The following AUTS2 variants were observed in gnomAD, a reference collection of about 807,000 sequenced individuals.
The protein encoded by AUTS2 is autism susceptibility gene 2 protein.
Under a neutral mutation model 112.4 loss-of-function variants are expected in AUTS2, and 17 were observed. The observed-to-expected ratio is 0.15, with a 90% CI of 0.10 to 0.23. The LOEUF (loss-of-function observed/expected upper bound fraction) is 0.23, where lower values mean the gene tolerates loss of function less well. AUTS2 is among the 10% of genes least tolerant of loss of function. The probability of loss-of-function intolerance (pLI) is 1.00; values close to 1 mark genes in which losing one functional copy is unlikely to be tolerated. For missense variants in AUTS2, 1,510 were observed against 1,701.6 expected, an observed-to-expected ratio of 0.89 and a Z score of 1.98; for synonymous variants, 751 against 702.7, an observed-to-expected ratio of 1.07 and a Z score of -1.09.
At chr7:70,063,570 T>C (rs1802355021) in intron 2 of AUTS2, among the ~76,000 whole-genome samples, 1 of 152,186 alleles carries the variant, frequency 6.6e-6, no homozygotes, top group South Asian at 2.1e-4. Context: ...TGGAGTGTTT[T>C]GAATGGCAGA....
chr7:69,928,926 G>A (rs915878278), intron 2 of AUTS2, among the ~76,000 whole-genome samples: 3 of 152,122 alleles, frequency 2.0e-5, no homozygotes, highest in African/African-American at 7.2e-5. Flanking sequence ...CAATCCAGAC[G>A]GGCCACCATT....
chr7:70,059,861 G>A (rs533561048), intron 2 of AUTS2, among the ~76,000 whole-genome samples: 2 of 152,272 alleles, frequency 1.3e-5, no homozygotes, highest in African/African-American at 2.4e-5. Flanking sequence ...AGCTAGTCAA[G>A]CTCGCTTAGT....
At chr7:70,290,661 TTTCTCCA>T in intron 4 of AUTS2, 1 of 1,362,386 alleles carries the variant, frequency 7.3e-7, no homozygotes, top group Non-Finnish European at 9.4e-7. Flanking sequence ...TTGTTTCTCT[TTTCTCCA>T]TTCCTCATCC....
In AUTS2 at chr7:70,554,834, C is replaced by T. The variant is rs150975866; in HGVS notation, c.690+119053C>T. On this transcript the variant is annotated intron_variant, in intron 5 of 18. Coordinates refer to ENST00000342771, the MANE Select transcript of AUTS2 (RefSeq NM_015570.4). ...CCACTGAAGGTCTCCAAGTGGCAGT[C>T]CAGATGGACAGTGATCAGCTGTCAC... Among the ~76,000 whole-genome samples the T allele has an allele frequency of 1.8e-3, 269 of 152,306 alleles. 1 individual carries two copies. The highest frequency in any genetic ancestry group is 6.2e-3 in the African/African-American group (257 of 41,570).
Position 70,538,053 on chromosome 7 carries a change from T to C in AUTS2, c.690+102272T>C, listed in dbSNP as rs374979174. Among the ~76,000 whole-genome samples the C allele has an allele frequency of 4.6e-5, 7 of 152,120 alleles. No individual in the cohort carries two copies. In the East Asian group the frequency reaches 1.4e-3, roughly 29 times the overall value. On this transcript the variant is annotated intron_variant, in intron 5 of 18. Coordinates refer to ENST00000342771, the MANE Select transcript of AUTS2 (RefSeq NM_015570.4). ...GAGTTTGAGACTAGCCTGGGAAATA[T>C]AGTGAGACCCCATTTCTACAAAAAA...
chr7:69,981,436 T>C (rs535203667), intron 2 of AUTS2, among the ~76,000 whole-genome samples: 7 of 152,356 alleles, frequency 4.6e-5, no homozygotes, highest in African/African-American at 1.4e-4. Flanking sequence ...CTGTATTTTT[T>C]TATTTTGTAT....
At chr7:70,488,118 C>T (rs1414933101) in intron 5 of AUTS2, among the ~76,000 whole-genome samples, 1 of 152,194 alleles carries the variant, frequency 6.6e-6, no homozygotes, top group Non-Finnish European at 1.5e-5. Flanking sequence ...TCACAGGCAG[C>T]CATTGTGCAA....
intron 5 of AUTS2, among the ~76,000 whole-genome samples, chr7:70,546,116 C>T (rs1160277123): frequency 6.6e-6 from 1 of 152,160 alleles, no homozygotes; most frequent in Non-Finnish European, 1.5e-5. Context: ...TTAAAATTTA[C>T]ATATAGATCA....
chr7:70,568,665 C>T (rs771539756), intron 5 of AUTS2, among the ~76,000 whole-genome samples: 7 of 152,180 alleles, frequency 4.6e-5, no homozygotes, highest in East Asian at 1.9e-4. Context: ...TGAGGTCTCT[C>T]GTTCAGACCA....
intron 5 of AUTS2, among the ~76,000 whole-genome samples, chr7:70,459,017 G>C (rs1275850048): frequency 6.6e-6 from 1 of 152,180 alleles, no homozygotes; most frequent in Non-Finnish European, 1.5e-5. Context: ...CCACACATAG[G>C]ATGGCTCAGG....
intron 5 of AUTS2, among the ~76,000 whole-genome samples, chr7:70,541,731 AG>A (rs1435569389): frequency 6.6e-6 from 1 of 152,220 alleles, no homozygotes; most frequent in African/African-American, 2.4e-5. Flanking sequence ...TTTCCAATCC[AG>A]GGTGACAGCA....
chr7:69,860,462 C>G (rs1351971257), intron 1 of AUTS2, among the ~76,000 whole-genome samples: 1 of 152,120 alleles, frequency 6.6e-6, no homozygotes, highest in African/African-American at 2.4e-5. Context: ...CACCACCACC[C>G]AGATCATCCC....
chr7:69,963,271 A>G (rs1355228386), intron 2 of AUTS2, among the ~76,000 whole-genome samples: 1 of 152,156 alleles, frequency 6.6e-6, no homozygotes, highest in Non-Finnish European at 1.5e-5. Context: ...GTGTGTTTTT[A>G]TGAACTTTTA....
At chr7:70,717,983 T>G (rs1029423771) in intron 6 of AUTS2, among the ~76,000 whole-genome samples, 2 of 152,198 alleles carry the variant, frequency 1.3e-5, no homozygotes, top group Non-Finnish European at 2.9e-5. Flanking sequence ...GTAGATTTAC[T>G]GAGCTGATGA....
intron 4 of AUTS2, among the ~76,000 whole-genome samples, chr7:70,324,611 C>G (rs1482283622): frequency 6.6e-6 from 1 of 152,152 alleles, no homozygotes; most frequent in Non-Finnish European, 1.5e-5. Context: ...GGCAACAGAG[C>G]AAGACCCTGT....
chr7:70,372,900 A>G (rs997879285), intron 4 of AUTS2, among the ~76,000 whole-genome samples: 1 of 152,058 alleles, frequency 6.6e-6, no homozygotes, highest in Non-Finnish European at 1.5e-5. Flanking sequence ...TCATGGGGGA[A>G]GGGCGAGGGT....
chr7:69,727,272 A>G (rs1458090846), intron 1 of AUTS2, among the ~76,000 whole-genome samples: 1 of 152,104 alleles, frequency 6.6e-6, no homozygotes, highest in Admixed American at 6.5e-5. Flanking sequence ...TCTCCATTGA[A>G]TGTCCCTGGC....
intron 5 of AUTS2, among the ~76,000 whole-genome samples, chr7:70,659,505 G>T (rs1806953839): frequency 6.6e-6 from 1 of 152,122 alleles, no homozygotes; most frequent in African/African-American, 2.4e-5. Flanking sequence ...GTGACCCCGG[G>T]CATGTTAACT....
chr7:69,738,532 C>T (rs190571534), intron 1 of AUTS2, among the ~76,000 whole-genome samples: 19 of 152,238 alleles, frequency 1.2e-4, no homozygotes, highest in Non-Finnish European at 2.6e-4. Context: ...TTTGTGCTCT[C>T]AGGGTAAACA....
Sources: allele counts gnomAD v4.1 joint callset (sites outside exome capture counted in the v4.1 genomes callset), GRCh38; gene constraint gnomAD v4.1.1; transcripts MANE v1.5; gene names NCBI Gene and HGNC (gene_info 2026-07-23, HGNC 2026-07-21).